Variants in QDPR observed in about 807,000 individuals in gnomAD.
QDPR encodes dihydropteridine reductase.
Under a neutral mutation model 31.7 loss-of-function variants are expected in QDPR, and 23 were observed. That is an observed-to-expected ratio of 0.73 (90% CI 0.52 to 1.03). The LOEUF (loss-of-function observed/expected upper bound fraction) is 1.03. Among genes scored for constraint, QDPR ranks in the 50% least tolerant of loss-of-function variants. The probability of loss-of-function intolerance (pLI) is 0.00; values close to 1 mark genes in which losing one functional copy is unlikely to be tolerated. For synonymous variants in QDPR, 124 were observed against 124.7 expected (o/e 0.99, Z 0.03); for missense variants, 324 against 323.8 (o/e 1.00, Z 0.00).
chr4:17,500,895 A>G (rs147663296), intron 4 of QDPR, among the ~76,000 whole-genome samples: 323 of 152,354 alleles, frequency 2.1e-3, no homozygotes, highest in African/African-American at 7.1e-3. Context: ...CTGTAAACTG[A>G]AAAAGATAAT....
intron 4 of QDPR, among the ~76,000 whole-genome samples, chr4:17,494,974 C>T (rs934286786): frequency 6.6e-5 from 10 of 152,152 alleles, no homozygotes; most frequent in African/African-American, 2.2e-4. Context: ...CCGATCAGGG[C>T]GGAGGGAGCC....
chr4:17,511,956 G>T lies in QDPR; in HGVS notation c.99C>A (p.Arg33=). 1 of 1,610,580 alleles carries T rather than the reference G, an allele frequency of 6.2e-7. No homozygotes were observed. Among genetic ancestry groups the T allele is most frequent in the East Asian group, 2.2e-5 (1 of 44,792 alleles). ...CCCCAGCCCGCAGCATTACCCAGTTGCGGGCCCGAAAAGCCTGCACGCATC... is the reference window on the plus strand; with the variant it reads ...CCCCAGCCCGCAGCATTACCCAGTTTCGGGCCCGAAAAGCCTGCACGCATC... The part of the protein sequence containing the change: ...GSRCVQAFRA[R]NWWVASVDVV... The change falls in exon 1 of 7, where the codon CGC becomes CGA. Residue 33 remains arginine, a synonymous_variant. Transcript: ENST00000281243.
chr4:17,504,444 T>G lies in QDPR; in HGVS notation c.230A>C (p.Glu77Ala). The G allele has an allele frequency of 1.2e-6, 2 of 1,614,174 alleles. No individual in the cohort carries two copies. The highest frequency in any genetic ancestry group is 1.7e-6 in the Non-Finnish European group (2 of 1,180,042). ...VTAEVGKLLG[E>A]EKVDAILCVA... ...GCAAAGAATTGCATCCACCTTCTCT[T>G]CACCCAAGAGCTTTCCAACCTCAGC... Residue 77 changes from glutamate to alanine, a missense_variant, in exon 3 of 7, where the codon GAA becomes GCA. Physicochemically the swap from Glu to Ala is moderately radical, Grantham distance 107 (BLOSUM62 -1). Transcript: ENST00000281243.
chr4:17,504,588 C>G lies in QDPR; in HGVS notation c.199-113G>C, dbSNP rs1718687031. ...TTCTTTTTAAGCCAGTTTACAGTAC[C>G]TGGCAATTAATGCTTTGAGAATTAG... On this transcript the variant is annotated intron_variant, in intron 2 of 6. Coordinates refer to ENST00000281243, the MANE Select transcript of QDPR (RefSeq NM_000320.3). The G allele has an allele frequency of 7.1e-6, 6 of 850,392 alleles. No individual in the cohort carries two copies. The Admixed American group carries it at 1.2e-4, about 17-fold the overall frequency. 52.7% of individuals were successfully genotyped at this position (850,392 alleles called of 1,614,324 possible). A position where few individuals can be genotyped will look rare whatever the true frequency, so the allele number is the denominator to read the frequency against.
intron 1 of QDPR, among the ~76,000 whole-genome samples, chr4:17,511,729 G>A (rs1257753723): frequency 6.6e-6 from 1 of 152,176 alleles, no homozygotes; most frequent in Non-Finnish European, 1.5e-5. Flanking sequence ...GGCCCACGGA[G>A]CACCTCCTTG....
At chr4:17,508,707 T>C (rs1402924782) in intron 2 of QDPR, among the ~76,000 whole-genome samples, 2 of 65,356 alleles carry the variant, frequency 3.1e-5, no homozygotes, top group African/African-American at 1.1e-4. Flanking sequence ...AGGAGTAACA[T>C]ACAATATGCA....
chr4:17,504,980 G>A (rs1165871352), intron 2 of QDPR, among the ~76,000 whole-genome samples: 2 of 152,102 alleles, frequency 1.3e-5, no homozygotes, highest in African/African-American at 4.8e-5. Flanking sequence ...GAAAAATCAT[G>A]AGCCAAGAAA....
intron 3 of QDPR, among the ~76,000 whole-genome samples, chr4:17,502,378 C>A (rs1718602316): frequency 6.6e-6 from 1 of 152,160 alleles, no homozygotes; most frequent in African/African-American, 2.4e-5. Flanking sequence ...AACTCCCCGG[C>A]CTTGCCAGAG....
chr4:17,490,557 C>T (rs991366773), intron 6 of QDPR, 105 bp downstream of exon 6: 3 of 947,998 alleles, frequency 3.2e-6, no homozygotes, highest in Non-Finnish European at 5.0e-6. Context: ...CCCAAGACCA[C>T]CCGGATTGAC....
chr4:17,510,534 T>C (rs989410139), intron 1 of QDPR, among the ~76,000 whole-genome samples: 4 of 152,160 alleles, frequency 2.6e-5, no homozygotes, highest in African/African-American at 9.7e-5. Context: ...TGGGGGATAC[T>C]GAAACAATGA....
At chr4:17,488,971 G>A (rs1718065417) in intron 6 of QDPR, among the ~76,000 whole-genome samples, 1 of 152,224 alleles carries the variant, frequency 6.6e-6, no homozygotes, top group Non-Finnish European at 1.5e-5. Flanking sequence ...AGGGTTTTGT[G>A]TGTTGGTTAC....
chr4:17,487,301 T>C (rs1717997195), intron 6 of QDPR, 65 bp from the exon 7 acceptor site: 1 of 1,186,876 alleles, frequency 8.4e-7, no homozygotes. Context: ...ATGCTGACCT[T>C]CACAGTGACG....
intron 6 of QDPR, among the ~76,000 whole-genome samples, chr4:17,488,390 A>AT (rs1467433461): frequency 1.3e-5 from 2 of 152,152 alleles, no homozygotes; most frequent in African/African-American, 4.8e-5. Context: ...TTTATTTGGC[A>AT]TTTTTTTAAT....
chr4:17,501,301 T>C (rs1718553058), intron 4 of QDPR, among the ~76,000 whole-genome samples: 2 of 152,182 alleles, frequency 1.3e-5, no homozygotes, highest in Admixed American at 1.3e-4. Context: ...GGATTACACG[T>C]GTGAGCCACT....
chr4:17,488,218 G>A (rs1718037242), intron 6 of QDPR, among the ~76,000 whole-genome samples: 1 of 151,028 alleles, frequency 6.6e-6, no homozygotes, highest in Non-Finnish European at 1.5e-5. Context: ...CCATGATCGT[G>A]ACACTGCACT....
chr4:17,497,587 T>A (rs2108990789), intron 4 of QDPR, among the ~76,000 whole-genome samples: 2 of 152,262 alleles, frequency 1.3e-5, no homozygotes, highest in East Asian at 3.9e-4. Flanking sequence ...TACTGATCAA[T>A]GTATTACTCA....
Position 17,487,106 on chromosome 4 carries a change from C to A in QDPR, c.*25G>T. The A allele has an allele frequency of 1.9e-6, 3 of 1,579,826 alleles. No individual in the cohort carries two copies. The highest frequency in any genetic ancestry group is 2.6e-6 in the Non-Finnish European group (3 of 1,149,330). On this transcript the variant is annotated 3_prime_UTR_variant, in exon 7 of 7. Coordinates refer to ENST00000281243, the MANE Select transcript of QDPR (RefSeq NM_000320.3). ...ACAGGTTAGTGACTTTTCTGGCAGG[C>A]CCCTCATAGGCACTGAGATGAGGCC...
At position 17,501,751 on chromosome 4, in the gene QDPR, G is replaced by C. The variant is rs1718569383; in HGVS notation, c.404C>G (p.Ala135Gly). 1 of 1,614,030 alleles carries C rather than the reference G, an allele frequency of 6.2e-7. No individual in the cohort carries two copies. ...CCCATCCAGGGCAGCCTTTGCGCCAGCCAAGGTCAGGAGGCCTCCTTCCTT... is the reference window on the plus strand; with the variant it reads ...CCCATCCAGGGCAGCCTTTGCGCCACCCAAGGTCAGGAGGCCTCCTTCCTT... Reference protein sequence around the residue: ...HLKEGGLLTLAGAKAALDGTP... With the variant: ...HLKEGGLLTLGGAKAALDGTP... The change falls in exon 4 of 7, where the codon GCT (alanine) becomes GGT (glycine). Residue 135 changes from alanine to glycine, a missense_variant. Ala to Gly is a moderately conservative substitution (Grantham distance 60, BLOSUM62 0). Transcript: ENST00000281243.
At chr4:17,506,225 C>G (rs1718782246) in intron 2 of QDPR, among the ~76,000 whole-genome samples, 1 of 152,104 alleles carries the variant, frequency 6.6e-6, no homozygotes, top group Non-Finnish European at 1.5e-5. Flanking sequence ...TGCCTTCCAG[C>G]CTCAAGCCAC....
Sources: allele counts gnomAD v4.1 joint callset (sites outside exome capture counted in the v4.1 genomes callset), GRCh38; gene constraint gnomAD v4.1.1; transcripts MANE v1.5; gene names NCBI Gene and HGNC (gene_info 2026-07-23, HGNC 2026-07-21).